LEF1: variants seen among roughly 807,000 people sequenced by gnomAD.
LEF1 encodes lymphoid enhancer-binding factor 1.
Under a neutral mutation model 51.2 loss-of-function variants are expected in LEF1, and 14 were observed. The observed-to-expected ratio is 0.27, with a 90% confidence interval of 0.18 to 0.43. LEF1 has a LOEUF of 0.43. LEF1 is among the 20% of genes least tolerant of loss of function. LEF1 has a pLI of 1.00. For missense variants in LEF1, 386 were observed against 512.0 expected (o/e 0.75, Z 2.37); for synonymous variants, 185 against 183.2 (o/e 1.01, Z -0.08).
At chr4:108,093,353 C>T (rs1560784742) in intron 3 of LEF1, among the ~76,000 whole-genome samples, 1 of 152,106 alleles carries the variant, frequency 6.6e-6, no homozygotes, top group African/African-American at 2.4e-5. Context: ...TTAATAGAAC[C>T]CAAGTCTCCT....
chr4:108,167,842 A>G lies in LEF1; in HGVS notation c.-75T>C. 1 of 1,290,310 alleles carries G rather than the reference A, an allele frequency of 7.8e-7. No individual in the cohort carries two copies. The highest frequency in any genetic ancestry group is 1.1e-6 in the Non-Finnish European group (1 of 915,278). The allele number at this position is 1,290,310 out of a possible 1,614,324, so 79.9% of individuals were successfully genotyped here. Reference sequence around the variant, plus strand: ...GCAGGAAAGACAGAGGGGTAACTCAAGGGTGGGGGAGGAAAGGAGAGTTGG... The same window carrying G: ...GCAGGAAAGACAGAGGGGTAACTCAGGGGTGGGGGAGGAAAGGAGAGTTGG... On this transcript the variant is annotated 5_prime_UTR_variant, in exon 1 of 12. Coordinates refer to ENST00000265165, the MANE Select transcript of LEF1 (RefSeq NM_016269.5). The surrounding 1 kb of genome is among the most constrained non-coding windows in gnomAD (Gnocchi z 5.7).
intron 3 of LEF1, among the ~76,000 whole-genome samples, chr4:108,131,840 T>C (rs1341115964): frequency 1.3e-5 from 2 of 152,188 alleles, no homozygotes; most frequent in Non-Finnish European, 2.9e-5. Flanking sequence ...GTGCGTTGTA[T>C]AGGGTATGAT....
intron 7 of LEF1, among the ~76,000 whole-genome samples, chr4:108,079,034 G>A (rs1010647148): frequency 6.6e-6 from 1 of 152,146 alleles, no homozygotes; most frequent in Non-Finnish European, 1.5e-5. Flanking sequence ...GGCCCAACAG[G>A]GAATCCTGGG....
At chr4:108,156,183 G>A (rs571308428) in intron 3 of LEF1, among the ~76,000 whole-genome samples, 91 of 152,028 alleles carry the variant, frequency 6.0e-4, no homozygotes, top group Non-Finnish European at 6.0e-4. Context: ...CTTCAATTAG[G>A]TTTCTAGGAC....
In LEF1 at chr4:108,129,134, C is replaced by T. The variant is rs184233662; in HGVS notation, c.414+34434G>A. ...CAAACTCCTCTCATTACTGAATCTG[C>T]TGCTTCTATGGGAATACACAGCAGA... On this transcript the variant is annotated intron_variant, in intron 3 of 11. Transcript: ENST00000265165. Among the ~76,000 whole-genome samples the T allele has an allele frequency of 1.7e-4, 26 of 152,296 alleles. No homozygotes were observed. The East Asian group carries it at 3.3e-3, about 19-fold the overall frequency.
At chr4:108,147,942 T>C (rs376881962) in intron 3 of LEF1, among the ~76,000 whole-genome samples, 4 of 152,194 alleles carry the variant, frequency 2.6e-5, no homozygotes, top group African/African-American at 9.6e-5. Flanking sequence ...TGTAAATAAA[T>C]GAAAACTTAT....
At chr4:108,149,622 T>C (rs1011615510) in intron 3 of LEF1, among the ~76,000 whole-genome samples, 3 of 148,450 alleles carry the variant, frequency 2.0e-5, no homozygotes, top group Admixed American at 6.8e-5. Context: ...TATATATACA[T>C]GTGTATATAT....
At chr4:108,132,002 T>C (rs560214012) in intron 3 of LEF1, among the ~76,000 whole-genome samples, 1 of 152,298 alleles carries the variant, frequency 6.6e-6, no homozygotes, top group South Asian at 2.1e-4. Flanking sequence ...AACGTTTTTA[T>C]TGACAATTTG....
intron 3 of LEF1, among the ~76,000 whole-genome samples, chr4:108,149,116 T>C (rs1460712991): frequency 6.6e-6 from 1 of 152,184 alleles, no homozygotes; most frequent in African/African-American, 2.4e-5. Context: ...ATGCTTACTA[T>C]GTAAAAAGTT....
At chr4:108,154,401 C>G (rs1744552033) in intron 3 of LEF1, among the ~76,000 whole-genome samples, 1 of 135,956 alleles carries the variant, frequency 7.4e-6, no homozygotes, top group Non-Finnish European at 1.5e-5. Context: ...AATATGACAA[C>G]CCTGTAAGGT....
intron 3 of LEF1, among the ~76,000 whole-genome samples, chr4:108,118,647 T>C (rs1741980944): frequency 6.6e-6 from 1 of 152,212 alleles, no homozygotes; most frequent in Non-Finnish European, 1.5e-5. Context: ...AGATTTCAAA[T>C]AGTTTGTTTA....
intron 8 of LEF1, among the ~76,000 whole-genome samples, chr4:108,075,779 T>G (rs543380347): frequency 6.6e-6 from 1 of 152,142 alleles, no homozygotes; most frequent in Non-Finnish European, 1.5e-5. Flanking sequence ...GCCTGGTACA[T>G]AACAGGGGCT....
At chr4:108,060,431 T>C (rs986133632) in intron 11 of LEF1, among the ~76,000 whole-genome samples, 2 of 152,124 alleles carry the variant, frequency 1.3e-5, no homozygotes, top group Non-Finnish European at 2.9e-5. Flanking sequence ...AATCCTTCAC[T>C]TATACTGAGA....
chr4:108,104,425 T>TTA (rs921562971), intron 3 of LEF1, among the ~76,000 whole-genome samples: 15 of 147,840 alleles, frequency 1.0e-4, no homozygotes, highest in African/African-American at 2.5e-4. Context: ...CAAGTGAAAT[T>TTA]TATATATATA....
At chr4:108,121,593 A>G (rs1279884856) in intron 3 of LEF1, among the ~76,000 whole-genome samples, 1 of 152,246 alleles carries the variant, frequency 6.6e-6, no homozygotes, top group African/African-American at 2.4e-5. Context: ...GTTATTGCCA[A>G]TAACTTGGAT....
chr4:108,086,849 C>CACACACACAT (rs1386012669), intron 4 of LEF1, among the ~76,000 whole-genome samples: 3 of 152,052 alleles, frequency 2.0e-5, no homozygotes, highest in East Asian at 1.9e-4. Flanking sequence ...CACACACACA[C>CACACACACAT]GTGAAAACTA....
intron 3 of LEF1, among the ~76,000 whole-genome samples, chr4:108,125,017 G>A (rs1742434577): frequency 6.6e-6 from 1 of 152,098 alleles, no homozygotes; most frequent in African/African-American, 2.4e-5. Context: ...AGCTCATTCT[G>A]ACTTAGAATT....
At chr4:108,122,764 G>C (rs1244197677) in intron 3 of LEF1, among the ~76,000 whole-genome samples, 1 of 152,182 alleles carries the variant, frequency 6.6e-6, no homozygotes, top group Admixed American at 6.5e-5. Flanking sequence ...GAGAATAAAG[G>C]TGTGAGCCAC....
chr4:108,063,578 T>TTA (rs778952293), intron 11 of LEF1, 45 bp downstream of exon 11: 1 of 1,490,192 alleles, frequency 6.7e-7, no homozygotes, highest in Non-Finnish European at 9.2e-7. Flanking sequence ...GTGCCTCTTT[T>TTA]TATAACAACT....
Sources: gnomAD v4.1 joint callset for allele counts (sites outside exome capture counted in the v4.1 genomes callset) on GRCh38, gnomAD v4.1.1 for gene constraint, Gnocchi (gnomAD v3.1) non-coding constraint, MANE v1.5 for transcripts, NCBI Gene and HGNC (gene_info 2026-07-23, HGNC 2026-07-21) for gene names.